The following CDC14B variants were observed in gnomAD, a reference collection of about 807,000 sequenced individuals.
The protein encoded by CDC14B is dual specificity protein phosphatase CDC14B.
Under a neutral mutation model 64.2 loss-of-function variants are expected in CDC14B, and 22 were observed. The observed-to-expected ratio is 0.34, with a 90% CI of 0.24 to 0.49. CDC14B has a LOEUF of 0.49. Among genes scored for constraint, CDC14B ranks in the 20% least tolerant of loss-of-function variants. CDC14B has a pLI of 0.99. For missense variants in CDC14B, 498 were observed against 629.9 expected (o/e 0.79, Z 2.24); for synonymous variants, 191 against 215.8 (o/e 0.89, Z 1.01).
At chr9:96,540,054 A>AC (rs1839826583) in intron 6 of CDC14B, among the ~76,000 whole-genome samples, 1 of 152,264 alleles carries the variant, frequency 6.6e-6, no homozygotes, top group African/African-American at 2.4e-5. Context: ...TTATTTAAAC[A>AC]CTAATCCCAA....
chr9:96,547,045 G>C (rs1457796918), intron 5 of CDC14B, among the ~76,000 whole-genome samples: 4 of 151,940 alleles, frequency 2.6e-5, no homozygotes, highest in Middle Eastern at 3.2e-3. Context: ...CTGGGCGACA[G>C]AGCAAGACTC....
chr9:96,566,473 C>T (rs990308923), intron 1 of CDC14B, among the ~76,000 whole-genome samples: 2 of 152,078 alleles, frequency 1.3e-5, no homozygotes, highest in Non-Finnish European at 2.9e-5. Context: ...GGTGACAGGG[C>T]TTAATCCTTT....
chr9:96,533,877 T>C (rs1207103085), intron 9 of CDC14B, 50 bp downstream of exon 9: 3 of 1,161,946 alleles, frequency 2.6e-6, no homozygotes, highest in African/African-American at 1.5e-5. Flanking sequence ...TTTCTACATA[T>C]TCATATACTC....
intron 1 of CDC14B, among the ~76,000 whole-genome samples, chr9:96,568,304 C>T (rs1844252211): frequency 6.6e-6 from 1 of 152,116 alleles, no homozygotes; most frequent in Non-Finnish European, 1.5e-5. Flanking sequence ...ATCTAAAAGC[C>T]ATAAACACAT....
intron 5 of CDC14B, 119 bp downstream of exon 5, chr9:96,551,677 T>C (rs1252836324): frequency 7.3e-7 from 1 of 1,371,488 alleles, no homozygotes; most frequent in East Asian, 2.4e-5. Context: ...ATCTGTGGTG[T>C]TATTTGCGCT....
At chr9:96,519,601 G>C (rs1836342235) in intron 12 of CDC14B, among the ~76,000 whole-genome samples, 4 of 151,778 alleles carry the variant, frequency 2.6e-5, no homozygotes. Flanking sequence ...GCTGGGTGTG[G>C]TGGTGCATAA....
At chr9:96,592,094 T>C (rs546566646) in intron 1 of CDC14B, among the ~76,000 whole-genome samples, 26 of 152,196 alleles carry the variant, frequency 1.7e-4, no homozygotes, top group African/African-American at 6.3e-4. Flanking sequence ...TTTTTTGTTT[T>C]CTAAGACAGG....
chr9:96,519,583 A>G (rs1300480747), intron 12 of CDC14B, among the ~76,000 whole-genome samples: 1 of 151,882 alleles, frequency 6.6e-6, no homozygotes, highest in Admixed American at 6.6e-5. Context: ...TAAAAATACA[A>G]AAAATTAGCT....
In CDC14B at chr9:96,551,830, A is replaced by G. The variant is rs766634362; in HGVS notation, c.463T>C (p.Leu155=). 1.9e-6 allele frequency: 3 copies of G among 1,610,430 alleles called. No homozygotes were observed. The highest frequency in any genetic ancestry group is 1.3e-5 in the African/African-American group (1 of 74,942). The stretch of plus-strand genomic sequence containing the variant: ...ATATAGGATGTCTCTCCAAAGATTA[A>G]TATTCTATATGCTTCTTCTGGGGTT... ...GRTPEEAYRI[L]IFGETSYIPF... is the part of the protein sequence containing the mutation. The change falls in exon 5 of 14, where the codon TTA becomes CTA. Residue 155 remains leucine, a synonymous_variant. Transcript: ENST00000375241.
chr9:96,599,670 C>T (rs756936291), intron 1 of CDC14B, among the ~76,000 whole-genome samples: 4 of 152,104 alleles, frequency 2.6e-5, no homozygotes, highest in Non-Finnish European at 5.9e-5. Flanking sequence ...AAACATGCTA[C>T]GGCAACATAA....
At position 96,503,763 on chromosome 9, in the gene CDC14B, A is replaced by G; in HGVS notation, c.1487T>C (p.Val496Ala). Reference protein sequence around the residue: ...KSLSISRTKTVLR With the variant: ...KSLSISRTKTALR ...GTCACAGGTTTTTACTTAACGCAAG[A>G]CTGTTTTAGTCCTTGAAATGGAGAG... The change falls in exon 14 of 14, where the codon GTC (valine) becomes GCC (alanine). Residue 496 changes from valine (V) to alanine (A), a missense_variant. Transcript: ENST00000375241. The G allele has an allele frequency of 6.2e-7, 1 of 1,613,938 alleles. No homozygotes were observed. Among genetic ancestry groups the G allele is most frequent in the Middle Eastern group, 1.7e-4 (1 of 6,060 alleles).
At chr9:96,561,943 C>A (rs1485764793) in intron 4 of CDC14B, among the ~76,000 whole-genome samples, 1 of 152,180 alleles carries the variant, frequency 6.6e-6, no homozygotes, top group African/African-American at 2.4e-5. Context: ...GAGCTCTAAG[C>A]TGGCTCTGGA....
At chr9:96,539,037 G>A (rs370178560) in intron 7 of CDC14B, 41 bp downstream of exon 7, 7 of 1,265,022 alleles carry the variant, frequency 5.5e-6, no homozygotes, top group African/African-American at 2.9e-5. Context: ...AAAGCTGGGC[G>A]GGGGGAGGAA....
At chr9:96,519,149 A>G (rs1222994186) in intron 12 of CDC14B, among the ~76,000 whole-genome samples, 1 of 152,166 alleles carries the variant, frequency 6.6e-6, no homozygotes, top group Non-Finnish European at 1.5e-5. Context: ...AATAAAAATA[A>G]AAAATAAAAA....
intron 1 of CDC14B, among the ~76,000 whole-genome samples, chr9:96,609,543 T>A (rs1847178573): frequency 6.6e-6 from 1 of 152,166 alleles, no homozygotes; most frequent in African/African-American, 2.4e-5. Flanking sequence ...AATGGATACA[T>A]TAATTAATTC....
rs373515398 is a variant in CDC14B at position 96,503,770 on chromosome 9, T to C, written c.1480A>G (p.Lys494Glu). The change falls in exon 14 of 14, where the codon AAA (lysine) becomes GAA (glutamate). Residue 494 changes from lysine (K) to glutamate (E), a missense_variant. Coordinates refer to ENST00000375241, the MANE Select transcript of CDC14B (RefSeq NM_033331.4). ...SVKSLSISRT[K>E]TVLR is the part of the protein sequence containing the mutation. The stretch of plus-strand genomic sequence containing the variant: ...GTTTTTACTTAACGCAAGACTGTTT[T>C]AGTCCTTGAAATGGAGAGACTACAG... The C allele has an allele frequency of 1.4e-4, 219 of 1,613,944 alleles. No homozygotes were observed. The highest frequency in any genetic ancestry group is 1.6e-4 in the Non-Finnish European group (193 of 1,179,946).
rs1348864159 is a variant in CDC14B at position 96,514,830 on chromosome 9, T to C, written c.1344-5041A>G. On this transcript the variant is annotated intron_variant, in intron 12 of 13. Coordinates refer to ENST00000375241, the MANE Select transcript of CDC14B (RefSeq NM_033331.4). ...CATGCTGTTCCACAAGTGGGCCTCT[T>C]GTACATTCTTCTGCAGAAATAAAGC... 7.1e-6 allele frequency: 7 copies of C among 985,356 alleles called. No individual in the cohort carries two copies. In the African/African-American group the frequency reaches 1.0e-4, roughly 15 times the overall value. 61.0% of individuals were successfully genotyped at this position (985,356 alleles called of 1,614,324 possible). A position where few individuals can be genotyped will look rare whatever the true frequency, so the allele number is the denominator to read the frequency against.
At chr9:96,538,923 T>C (rs979146014) in intron 7 of CDC14B, 155 bp downstream of exon 7, 1 of 600,678 alleles carries the variant, frequency 1.7e-6, no homozygotes, top group Non-Finnish European at 3.0e-6. Context: ...AATATGTTAA[T>C]TAGCTTGATT....
At chr9:96,612,148 C>CACCAAACCTCCT (rs1477696016) in intron 1 of CDC14B, among the ~76,000 whole-genome samples, 1 of 152,204 alleles carries the variant, frequency 6.6e-6, no homozygotes, top group East Asian at 1.9e-4. Context: ...ATCACCACGG[C>CACCAAACCTCCT]ACCAAACCTC....
Sources: gnomAD v4.1 joint callset for allele counts (sites outside exome capture counted in the v4.1 genomes callset) on GRCh38, gnomAD v4.1.1 for gene constraint, MANE v1.5 for transcripts, NCBI Gene and HGNC (gene_info 2026-07-23, HGNC 2026-07-21) for gene names.